SYT16: variants seen among roughly 807,000 people sequenced by gnomAD.
SYT16 encodes synaptotagmin-16.
In SYT16, 42 loss-of-function variants were observed where a neutral mutation model predicts 61.4. That is an observed-to-expected ratio of 0.68 (90% CI 0.53 to 0.89). The LOEUF is 0.89. Ranked by LOEUF, SYT16 falls within the 40% of genes least tolerant of loss-of-function variation. SYT16 has a pLI of 0.00. For missense variants in SYT16, 804 were observed against 807.3 expected, an observed-to-expected ratio of 1.00 and a Z score of 0.05; for synonymous variants, 314 against 302.3, an observed-to-expected ratio of 1.04 and a Z score of -0.40.
chr14:61,993,068 TATG>T (rs1261532092), intron 2 of SYT16, among the ~76,000 whole-genome samples: 1 of 151,950 alleles, frequency 6.6e-6, no homozygotes, highest in African/African-American at 2.4e-5. Context: ...ACCAAGGGGA[TATG>T]AGGCCAAGAA....
intron 3 of SYT16, among the ~76,000 whole-genome samples, chr14:62,034,956 C>G (rs1317384766): frequency 6.6e-6 from 1 of 152,182 alleles, no homozygotes; most frequent in Non-Finnish European, 1.5e-5. Context: ...GTTTTTCTGT[C>G]TGAGGGTGGA....
chr14:61,867,639 A>G (rs1364138124), intron 1 of SYT16, among the ~76,000 whole-genome samples: 2 of 152,110 alleles, frequency 1.3e-5, no homozygotes, highest in Non-Finnish European at 2.9e-5. Context: ...ATACATTACT[A>G]TTTACAATAA....
chr14:61,925,508 T>A (rs2049500484), intron 1 of SYT16, among the ~76,000 whole-genome samples: 1 of 152,226 alleles, frequency 6.6e-6, no homozygotes, highest in Non-Finnish European at 1.5e-5. Flanking sequence ...AAACAAATAC[T>A]TTTCAAGATT....
At chr14:62,075,623 A>AG (rs2056468546) in intron 5 of SYT16, among the ~76,000 whole-genome samples, 1 of 110,226 alleles carries the variant, frequency 9.1e-6, no homozygotes, top group African/African-American at 3.4e-5. Flanking sequence ...AAAAAAAGAA[A>AG]AAAAGAAAAA....
chr14:61,896,098 G>A (rs2048316289), intron 1 of SYT16, among the ~76,000 whole-genome samples: 1 of 151,604 alleles, frequency 6.6e-6, no homozygotes, highest in South Asian at 2.1e-4. Flanking sequence ...TTGGAACTTG[G>A]TGGGCGTGGG....
intron 1 of SYT16, among the ~76,000 whole-genome samples, chr14:61,845,217 T>A (rs144915561): frequency 8.2e-4 from 124 of 151,950 alleles, no homozygotes; most frequent in African/African-American, 3.0e-3. Context: ...CCAGCTAATT[T>A]TTTGTATTTT....
At chr14:61,867,607 A>G (rs1168937871) in intron 1 of SYT16, among the ~76,000 whole-genome samples, 1 of 152,142 alleles carries the variant, frequency 6.6e-6, no homozygotes, top group Non-Finnish European at 1.5e-5. Flanking sequence ...ATTAACTTAA[A>G]ACAATATTAT....
At chr14:62,016,249 G>A (rs1460773600) in intron 3 of SYT16, among the ~76,000 whole-genome samples, 1 of 152,122 alleles carries the variant, frequency 6.6e-6, no homozygotes, top group Non-Finnish European at 1.5e-5. Flanking sequence ...TTCACAAGAG[G>A]TGTCCTCCTG....
At chr14:62,006,085 A>T (rs1223404800) in intron 3 of SYT16, among the ~76,000 whole-genome samples, 2 of 151,882 alleles carry the variant, frequency 1.3e-5, no homozygotes, top group Non-Finnish European at 2.9e-5. Flanking sequence ...AAAAGCTCTT[A>T]TTTCTCTTTC....
intron 1 of SYT16, among the ~76,000 whole-genome samples, chr14:61,927,753 T>G (rs561210859): frequency 6.6e-6 from 1 of 152,300 alleles, no homozygotes; most frequent in African/African-American, 2.4e-5. Flanking sequence ...AGGTGGGAAC[T>G]GCAGTTTTGC....
chr14:61,840,531 G>T (rs370415293), intron 1 of SYT16, among the ~76,000 whole-genome samples: 2 of 152,214 alleles, frequency 1.3e-5, no homozygotes, highest in Non-Finnish European at 2.9e-5. Flanking sequence ...GAGGGTGGCC[G>T]TAGCAGGCAA....
intron 3 of SYT16, among the ~76,000 whole-genome samples, chr14:61,999,310 G>A (rs1415983531): frequency 6.6e-6 from 1 of 151,690 alleles, no homozygotes; most frequent in East Asian, 1.9e-4. Flanking sequence ...ATAGGTATAA[G>A]GGTAACCTAG....
chr14:62,034,099 A>G (rs1460833529), intron 3 of SYT16, among the ~76,000 whole-genome samples: 1 of 152,222 alleles, frequency 6.6e-6, no homozygotes, highest in Admixed American at 6.5e-5. Flanking sequence ...TATATGAAAA[A>G]ATACTCAACA....
At chr14:62,057,114 G>T (rs371039428) in intron 3 of SYT16, among the ~76,000 whole-genome samples, 7 of 152,196 alleles carry the variant, frequency 4.6e-5, no homozygotes, top group African/African-American at 1.7e-4. Context: ...TTCTGGCCAT[G>T]GTGAAAGCTG....
intron 1 of SYT16, among the ~76,000 whole-genome samples, chr14:61,827,588 T>G (rs2045811062): frequency 6.6e-6 from 1 of 152,244 alleles, no homozygotes; most frequent in Non-Finnish European, 1.5e-5. Flanking sequence ...ATCAATGCTA[T>G]TATTGTTAAC....
At chr14:61,831,571 C>T (rs1178903939) in intron 1 of SYT16, among the ~76,000 whole-genome samples, 1 of 152,114 alleles carries the variant, frequency 6.6e-6, no homozygotes, top group Admixed American at 6.5e-5. Flanking sequence ...CTTCTTAGAC[C>T]TCTTTAAACT....
chr14:61,988,466 A>G (rs1021514015), intron 2 of SYT16, among the ~76,000 whole-genome samples: 1 of 152,176 alleles, frequency 6.6e-6, no homozygotes, highest in Non-Finnish European at 1.5e-5. Flanking sequence ...ATACTCACAA[A>G]TACTCAATGG....
At chr14:61,843,653 G>GA (rs2046361418) in intron 1 of SYT16, among the ~76,000 whole-genome samples, 1 of 152,104 alleles carries the variant, frequency 6.6e-6, no homozygotes, top group East Asian at 1.9e-4. Context: ...ACCATTTATT[G>GA]AAGAGACTAT....
At chr14:61,915,041 T>C (rs1222559354) in intron 1 of SYT16, among the ~76,000 whole-genome samples, 1 of 152,180 alleles carries the variant, frequency 6.6e-6, no homozygotes, top group Admixed American at 6.6e-5. Flanking sequence ...CAATTGCCCC[T>C]ATCACTCTCC....
Sources: gnomAD v4.1 joint callset for allele counts (sites outside exome capture counted in the v4.1 genomes callset) on GRCh38, gnomAD v4.1.1 for gene constraint, MANE v1.5 for transcripts, NCBI Gene and HGNC (gene_info 2026-07-23, HGNC 2026-07-21) for gene names.